CADPS2: variants seen among roughly 807,000 people sequenced by gnomAD.
The protein encoded by CADPS2 is calcium dependent secretion activator 2.
A neutral mutation model predicts 172.5 loss-of-function variants in CADPS2; 93 were observed. The ratio of observed to expected loss-of-function variants is 0.54; its 90% CI spans 0.46 to 0.64. The LOEUF (loss-of-function observed/expected upper bound fraction) is 0.64, where lower values mean the gene tolerates loss of function less well. Ranked by LOEUF, CADPS2 falls within the 30% of genes least tolerant of loss-of-function variation. The probability of loss-of-function intolerance (pLI) is 0.00; values close to 1 mark genes in which losing one functional copy is unlikely to be tolerated. For missense variants in CADPS2, 1,420 were observed against 1,565.9 expected (o/e 0.91, Z 1.57); for synonymous variants, 546 against 555.2 (o/e 0.98, Z 0.23).
At chr7:122,334,607 G>A (rs1017650324) in intron 28 of CADPS2, among the ~76,000 whole-genome samples, 6 of 152,160 alleles carry the variant, frequency 3.9e-5, no homozygotes, top group Non-Finnish European at 7.3e-5. Context: ...TCACAGTCAC[G>A]TCATTTGATG....
rs143076994 is a variant in CADPS2 at position 122,526,848 on chromosome 7, A to T, written c.1476-13533T>A. Among the ~76,000 whole-genome samples, 247 of 152,138 alleles carry T rather than the reference A, an allele frequency of 1.6e-3. 2 individuals are homozygous for T. The highest frequency in any genetic ancestry group is 4.3e-3 in the Admixed American group (66 of 15,270). On this transcript the variant is annotated intron_variant, in intron 8 of 29. Transcript: ENST00000449022. ...GACTAATGTTTACTCCCCACACAAG[A>T]CTGCAAACTCCATGAGGGCAAGGGC...
At chr7:122,406,791 T>C (rs1210953844) in intron 20 of CADPS2, among the ~76,000 whole-genome samples, 1 of 152,090 alleles carries the variant, frequency 6.6e-6, no homozygotes, top group Non-Finnish European at 1.5e-5. Context: ...AGAATTTTAT[T>C]CAGTAGGGAA....
chr7:122,859,027 G>A (rs1392867381), intron 1 of CADPS2, among the ~76,000 whole-genome samples: 3 of 152,170 alleles, frequency 2.0e-5, no homozygotes, highest in African/African-American at 7.2e-5. Context: ...GGTAACTTCT[G>A]TCAGAAAGTT....
chr7:122,443,631 A>T (rs1482066204), intron 15 of CADPS2, among the ~76,000 whole-genome samples: 1 of 149,954 alleles, frequency 6.7e-6, no homozygotes, highest in Non-Finnish European at 1.5e-5. Context: ...CATAGTTTAA[A>T]GAGGAAACTT....
At chr7:122,778,903 T>C (rs764665225) in intron 1 of CADPS2, among the ~76,000 whole-genome samples, 19 of 152,148 alleles carry the variant, frequency 1.2e-4, no homozygotes, top group Non-Finnish European at 2.2e-4. Context: ...CCAAATCTCA[T>C]CTTGAATTGT....
At chr7:122,858,382 C>T (rs1815929616) in intron 1 of CADPS2, among the ~76,000 whole-genome samples, 1 of 152,084 alleles carries the variant, frequency 6.6e-6, no homozygotes, top group African/African-American at 2.4e-5. Context: ...AAACAAAGTT[C>T]TTATTTTGTA....
At chr7:122,402,623 A>T (rs2046099850) in intron 20 of CADPS2, among the ~76,000 whole-genome samples, 1 of 152,240 alleles carries the variant, frequency 6.6e-6, no homozygotes, top group African/African-American at 2.4e-5. Flanking sequence ...CCACTAATTA[A>T]GTACAAATTC....
At chr7:122,774,308 A>T (rs1051065082) in intron 1 of CADPS2, among the ~76,000 whole-genome samples, 184 of 141,866 alleles carry the variant, frequency 1.3e-3, no homozygotes, top group African/African-American at 4.5e-3. Context: ...ACACACACAC[A>T]CACTCTGGAA....
chr7:122,402,983 T>C (rs2151610174), intron 20 of CADPS2, among the ~76,000 whole-genome samples: 2 of 152,348 alleles, frequency 1.3e-5, no homozygotes, highest in South Asian at 4.1e-4. Context: ...TCTTTTTCTT[T>C]CAAGGGGTAC....
rs150798920 is a variant in CADPS2, at chr7:122,460,209, A to G, written c.2187-8734T>C. Among the ~76,000 whole-genome samples the G allele has an allele frequency of 4.5e-3, 682 of 152,172 alleles. 3 individuals are homozygous for G. The highest frequency in any genetic ancestry group is 0.015 in the African/African-American group (621 of 41,504). ...CCTAAATACTGCATAAGCCACAACA[A>G]TTATATATTAAATGTTGTCCAGCTC... On this transcript the variant is annotated intron_variant, in intron 14 of 29. Transcript: ENST00000449022.
chr7:122,735,487 C>T (rs2092086519), intron 2 of CADPS2, among the ~76,000 whole-genome samples: 3 of 152,112 alleles, frequency 2.0e-5, no homozygotes, highest in Non-Finnish European at 2.9e-5. Context: ...TTTATTAGCA[C>T]AGCTTGTGTG....
chr7:122,650,020 T>C (rs912871472), intron 3 of CADPS2, among the ~76,000 whole-genome samples: 1 of 146,734 alleles, frequency 6.8e-6, no homozygotes, highest in Non-Finnish European at 1.5e-5. Flanking sequence ...GCAATTCTCC[T>C]GCCTCAGCCT....
intron 1 of CADPS2, among the ~76,000 whole-genome samples, chr7:122,866,409 G>A (rs1226900142): frequency 6.6e-6 from 1 of 151,994 alleles, no homozygotes; most frequent in African/African-American, 2.4e-5. Context: ...TCTTAACAAA[G>A]TCTCTGGTGG....
At chr7:122,576,750 G>C (rs2068088780) in intron 7 of CADPS2, among the ~76,000 whole-genome samples, 1 of 151,306 alleles carries the variant, frequency 6.6e-6, no homozygotes, top group Non-Finnish European at 1.5e-5. Context: ...TCTTGTGATA[G>C]TCAGTGGGTC....
At chr7:122,566,016 T>C (rs2066420187) in intron 7 of CADPS2, among the ~76,000 whole-genome samples, 1 of 152,176 alleles carries the variant, frequency 6.6e-6, no homozygotes, top group Non-Finnish European at 1.5e-5. Context: ...AGATTCTACA[T>C]GTAAGTGACA....
chr7:122,591,412 C>G (rs2070781675), intron 6 of CADPS2, among the ~76,000 whole-genome samples: 2 of 151,976 alleles, frequency 1.3e-5, no homozygotes, highest in Non-Finnish European at 2.9e-5. Flanking sequence ...CCATAATGCC[C>G]AAGGTAATTT....
intron 8 of CADPS2, among the ~76,000 whole-genome samples, chr7:122,524,622 T>C (rs2061057463): frequency 6.6e-6 from 1 of 152,158 alleles, no homozygotes; most frequent in Admixed American, 6.6e-5. Context: ...TAGGGGAGAA[T>C]AGTGTATGTG....
At chr7:122,676,447 T>G in intron 2 of CADPS2, 1 of 376,538 alleles carries the variant, frequency 2.7e-6, no homozygotes, top group Non-Finnish European at 4.7e-6. Context: ...CCCTTCAACT[T>G]TGACATTCAT....
intron 1 of CADPS2, among the ~76,000 whole-genome samples, chr7:122,791,512 A>T (rs1296347317): frequency 6.6e-6 from 1 of 152,222 alleles, no homozygotes; most frequent in Non-Finnish European, 1.5e-5. Flanking sequence ...AACTCATAAT[A>T]GCTGCCCATT....
Sources: allele counts gnomAD v4.1 joint callset (sites outside exome capture counted in the v4.1 genomes callset), GRCh38; gene constraint gnomAD v4.1.1; transcripts MANE v1.5; gene names NCBI Gene and HGNC (gene_info 2026-07-23, HGNC 2026-07-21).